The following CGNL1 variants were observed in gnomAD, a reference collection of about 807,000 sequenced individuals.
CGNL1 encodes the protein cingulin like 1, also known as cingulin-like protein 1.
Under a neutral mutation model 141.2 loss-of-function variants are expected in CGNL1, and 132 were observed. The ratio of observed to expected loss-of-function variants is 0.93; its 90% confidence interval spans 0.81 to 1.08. The LOEUF is 1.08. Among genes scored for constraint, CGNL1 ranks in the 50% least tolerant of loss-of-function variants. CGNL1 has a pLI of 0.00. For missense variants in CGNL1, 1,870 were observed against 1,588.6 expected (o/e 1.18, Z -3.01); for synonymous variants, 690 against 622.1 (o/e 1.11, Z -1.63).
intron 13 of CGNL1, among the ~76,000 whole-genome samples, chr15:57,530,844 T>A (rs1472023475): frequency 2.0e-5 from 3 of 152,234 alleles, no homozygotes; most frequent in African/African-American, 7.2e-5. Flanking sequence ...CAATCCACTT[T>A]GGCAATTGCA....
chr15:57,465,540 G>A lies in CGNL1; in HGVS notation c.2403+3648G>A, dbSNP rs575027315. Among the ~76,000 whole-genome samples, 14 of 151,608 alleles carry A rather than the reference G, an allele frequency of 9.2e-5. No individual in the cohort carries two copies. In the South Asian group the frequency reaches 1.3e-3, roughly 14 times the overall value. ...TGAGTAGCTGGGATTACAGGCATGC[G>A]CCACCACACCTGACTAATTTTTGTA... On this transcript the variant is annotated intron_variant, in intron 8 of 18. Transcript: ENST00000281282.
chr15:57,547,310 G>T (rs767749679), intron 18 of CGNL1, 45 bp from the exon 19 acceptor site: 2 of 1,605,538 alleles, frequency 1.2e-6, no homozygotes, highest in South Asian at 1.1e-5. Flanking sequence ...TTAGCTATGG[G>T]CCCCGGCCCA....
At chr15:57,464,933 G>C (rs1428785877) in intron 8 of CGNL1, among the ~76,000 whole-genome samples, 1 of 152,002 alleles carries the variant, frequency 6.6e-6, no homozygotes, top group East Asian at 1.9e-4. Flanking sequence ...TGTATTTTTA[G>C]TAGAGATGGG....
At chr15:57,383,754 G>A (rs1228545662) in intron 1 of CGNL1, among the ~76,000 whole-genome samples, 1 of 151,638 alleles carries the variant, frequency 6.6e-6, no homozygotes, top group African/African-American at 2.4e-5. Context: ...TCAGCCTCCC[G>A]AGGAGCTGGG....
At chr15:57,546,721 G>GAAA (rs2140261091) in intron 18 of CGNL1, among the ~76,000 whole-genome samples, 1 of 152,300 alleles carries the variant, frequency 6.6e-6, no homozygotes, top group African/African-American at 2.4e-5. Context: ...TGCAGGGTTG[G>GAAA]GGACTTTGTG....
chr15:57,512,684 T>G (rs1392680865), intron 8 of CGNL1, among the ~76,000 whole-genome samples: 1 of 152,184 alleles, frequency 6.6e-6, no homozygotes, highest in Admixed American at 6.5e-5. Context: ...TCTAACACGC[T>G]AGGGTGCTAG....
At chr15:57,544,872 C>T (rs1180826722) in intron 16 of CGNL1, among the ~76,000 whole-genome samples, 1 of 152,208 alleles carries the variant, frequency 6.6e-6, no homozygotes, top group Non-Finnish European at 1.5e-5. Context: ...TGCCACTGTA[C>T]TTGCTGTCCC....
intron 1 of CGNL1, among the ~76,000 whole-genome samples, chr15:57,384,106 A>G (rs1470034491): frequency 1.3e-5 from 2 of 150,822 alleles, no homozygotes; most frequent in African/African-American, 5.0e-5. Context: ...GGGTGAAGGG[A>G]GAGGGGAAAT....
At chr15:57,470,200 CA>C (rs2063561891) in intron 8 of CGNL1, among the ~76,000 whole-genome samples, 1 of 140,364 alleles carries the variant, frequency 7.1e-6, no homozygotes, top group Admixed American at 7.4e-5. Flanking sequence ...TTTCCATAGG[CA>C]AAAGTGAAAT....
intron 1 of CGNL1, among the ~76,000 whole-genome samples, chr15:57,413,939 G>A (rs145847649): frequency 6.6e-6 from 1 of 152,324 alleles, no homozygotes; most frequent in African/African-American, 2.4e-5. Flanking sequence ...AGTCATATAA[G>A]TTGTGTTGTA....
intron 1 of CGNL1, among the ~76,000 whole-genome samples, chr15:57,415,612 T>C (rs1408415099): frequency 2.0e-5 from 3 of 152,232 alleles, no homozygotes; most frequent in Non-Finnish European, 4.4e-5. Context: ...TTCCAGATTC[T>C]ACCCACCCTC....
Position 57,520,767 on chromosome 15 carries a change from C to G in CGNL1, c.2715+2270C>G, listed in dbSNP as rs536358358. On this transcript the variant is annotated intron_variant, in intron 10 of 18. Coordinates refer to ENST00000281282, the MANE Select transcript of CGNL1 (RefSeq NM_032866.5). ...TTGGACTTTTGAGTATTGAGACAAC[C>G]AAGGAAAAAGGGCCCAAGGCTTGCA... Among the ~76,000 whole-genome samples, 11 of 152,220 alleles carry G rather than the reference C, an allele frequency of 7.2e-5. No homozygotes were observed. In the East Asian group the frequency reaches 2.1e-3, roughly 29 times the overall value.
intron 18 of CGNL1, among the ~76,000 whole-genome samples, chr15:57,546,672 G>C (rs2032885550): frequency 6.6e-6 from 1 of 152,216 alleles, no homozygotes; most frequent in South Asian, 2.1e-4. Flanking sequence ...GCAGCTCTCT[G>C]AAGCTGTCTG....
At chr15:57,446,355 GTTCC>G (rs1460544924) in intron 4 of CGNL1, among the ~76,000 whole-genome samples, 2 of 152,102 alleles carry the variant, frequency 1.3e-5, no homozygotes, top group Non-Finnish European at 2.9e-5. Context: ...GGTTTCCTGT[GTTCC>G]TTCCCCATAA....
chr15:57,546,017 G>C (rs2032843238), intron 17 of CGNL1, 59 bp from the exon 18 acceptor site: 1 of 1,564,672 alleles, frequency 6.4e-7, no homozygotes, highest in Admixed American at 1.8e-5. Context: ...CCTGGGGTAA[G>C]CTGAGCGCTG....
intron 1 of CGNL1, among the ~76,000 whole-genome samples, chr15:57,398,995 C>T (rs1407675883): frequency 6.6e-6 from 1 of 152,136 alleles, no homozygotes; most frequent in Non-Finnish European, 1.5e-5. Flanking sequence ...CATAATTGTA[C>T]ATACTTATGA....
rs1242058952 is a variant in CGNL1 at position 57,376,537 on chromosome 15, G to C, written c.-46G>C. 1 of 152,700 alleles carries C rather than the reference G, an allele frequency of 6.5e-6. No individual in the cohort carries two copies. The highest frequency in any genetic ancestry group is 6.6e-5 in the Admixed American group (1 of 15,218). 9.5% of individuals were successfully genotyped at this position (152,700 alleles called of 1,614,324 possible). A position where few individuals can be genotyped will look rare whatever the true frequency, so the allele number is the denominator to read the frequency against. On this transcript the variant is annotated 5_prime_UTR_variant, in exon 1 of 19. Transcript: ENST00000281282. ...GGCCGGGCTCTGCTGGCTGCGGCGG[G>C]AGCTGGACGCGGGAGGAGGCGGCGG... is the stretch of plus-strand genomic sequence containing the variant.
In CGNL1 at chr15:57,549,826, A is replaced by T. The variant is rs1243037531; in HGVS notation, c.*2336A>T. 1 of 152,132 alleles carries T rather than the reference A, an allele frequency of 6.6e-6. No homozygotes were observed. Among genetic ancestry groups the T allele is most frequent in the African/African-American group, 2.4e-5 (1 of 41,412 alleles). 9.4% of individuals were successfully genotyped at this position (152,132 alleles called of 1,614,324 possible). A position where few individuals can be genotyped will look rare whatever the true frequency, so the allele number is the denominator to read the frequency against. On this transcript the variant is annotated 3_prime_UTR_variant, in exon 19 of 19. Transcript: ENST00000281282. ...CAACAAGCCTGGTTCCCTAGAGCTCACTTTGACCCTCAATATGTTCATAAT... is the reference window on the plus strand; with the variant it reads ...CAACAAGCCTGGTTCCCTAGAGCTCTCTTTGACCCTCAATATGTTCATAAT...
intron 1 of CGNL1, among the ~76,000 whole-genome samples, chr15:57,395,676 C>G (rs1156438147): frequency 5.3e-5 from 8 of 152,266 alleles, no homozygotes; most frequent in Non-Finnish European, 1.2e-4. Context: ...CTACCTTGTG[C>G]TGGGCACTAC....
Sources: allele counts gnomAD v4.1 joint callset (sites outside exome capture counted in the v4.1 genomes callset), GRCh38; gene constraint gnomAD v4.1.1; transcripts MANE v1.5; gene names NCBI Gene and HGNC (gene_info 2026-07-23, HGNC 2026-07-21).